DENND1A: variants seen among roughly 807,000 people sequenced by gnomAD.
The protein encoded by DENND1A is DENN domain containing 1A.
Under a neutral mutation model 113.7 loss-of-function variants are expected in DENND1A, and 51 were observed. The ratio of observed to expected loss-of-function variants is 0.45; its 90% CI spans 0.36 to 0.57. The LOEUF is 0.57. Among genes scored for constraint, DENND1A ranks in the 20% least tolerant of loss-of-function variants. DENND1A has a pLI of 0.00. For synonymous variants in DENND1A, 565 were observed against 570.8 expected, an observed-to-expected ratio of 0.99 and a Z score of 0.14; for missense variants, 1,258 against 1,395.9, an observed-to-expected ratio of 0.90 and a Z score of 1.57.
intron 19 of DENND1A, among the ~76,000 whole-genome samples, chr9:123,424,052 T>C (rs10986015): frequency 0.023 from 3,530 of 152,214 alleles, 68 homozygotes; most frequent in Non-Finnish European, 0.03. Context: ...AAGTTACGGG[T>C]ATCCTGGTGC....
At chr9:123,748,408 T>C (rs1372109740) in intron 5 of DENND1A, among the ~76,000 whole-genome samples, 1 of 152,226 alleles carries the variant, frequency 6.6e-6, no homozygotes, top group Non-Finnish European at 1.5e-5. Flanking sequence ...TTGCTAGAAT[T>C]GTAGAGTCTT....
At chr9:123,741,630 C>A (rs1258612695) in intron 5 of DENND1A, among the ~76,000 whole-genome samples, 3 of 152,208 alleles carry the variant, frequency 2.0e-5, no homozygotes, top group East Asian at 3.8e-4. Context: ...AATTGCTTAA[C>A]TTCCTCATTG....
At chr9:123,573,265 A>T (rs574757042) in intron 12 of DENND1A, among the ~76,000 whole-genome samples, 84 of 152,256 alleles carry the variant, frequency 5.5e-4, no homozygotes, top group Non-Finnish European at 9.7e-4. Context: ...GCTATTCTAG[A>T]TCTTTTGCAT....
At chr9:123,483,427 G>A (rs1025729440) in intron 13 of DENND1A, among the ~76,000 whole-genome samples, 8 of 152,306 alleles carry the variant, frequency 5.3e-5, no homozygotes, top group Admixed American at 2.0e-4. Context: ...AGGAACTCAG[G>A]AGACAAATCC....
chr9:123,511,681 T>C (rs2053472769), intron 13 of DENND1A, among the ~76,000 whole-genome samples: 1 of 152,228 alleles, frequency 6.6e-6, no homozygotes, highest in African/African-American at 2.4e-5. Context: ...AAAACGTGAC[T>C]GATGCTAGTA....
intron 13 of DENND1A, among the ~76,000 whole-genome samples, chr9:123,502,211 C>T (rs2052548468): frequency 1.3e-5 from 2 of 152,058 alleles, no homozygotes; most frequent in Admixed American, 1.3e-4. Context: ...TTAGTTCTGT[C>T]CCTCTAGAGA....
At chr9:123,419,252 T>C (rs1041180044) in intron 19 of DENND1A, among the ~76,000 whole-genome samples, 2 of 152,348 alleles carry the variant, frequency 1.3e-5, no homozygotes, top group Non-Finnish European at 2.9e-5. Flanking sequence ...AGCTGGCGCA[T>C]GACAGAGCTA....
intron 5 of DENND1A, among the ~76,000 whole-genome samples, chr9:123,700,403 T>C (rs888981970): frequency 5.9e-5 from 9 of 152,142 alleles, no homozygotes; most frequent in African/African-American, 2.2e-4. Context: ...TGCGTGTGTG[T>C]GTGTATAAAG....
chr9:123,514,122 C>T (rs916463578), intron 13 of DENND1A, among the ~76,000 whole-genome samples: 1 of 134,688 alleles, frequency 7.4e-6, no homozygotes, highest in East Asian at 2.2e-4. Context: ...GTGTGTGTGT[C>T]CATGACACCC....
At chr9:123,641,107 A>C (rs955222230) in intron 9 of DENND1A, among the ~76,000 whole-genome samples, 2 of 152,194 alleles carry the variant, frequency 1.3e-5, no homozygotes, top group African/African-American at 4.8e-5. Context: ...CACCAAAGTG[A>C]CCACACTTTC....
intron 13 of DENND1A, chr9:123,485,656 G>GCGTGCGCACACACA (rs765633751): frequency 7.1e-6 from 1 of 141,156 alleles, no homozygotes; most frequent in South Asian, 2.2e-4. Context: ...GCGCGCGCGC[G>GCGTGCGCACACACA]CACACACACA....
chr9:123,828,644 A>AAAG (rs1554774909), intron 2 of DENND1A, among the ~76,000 whole-genome samples: 3 of 151,824 alleles, frequency 2.0e-5, no homozygotes, highest in African/African-American at 7.2e-5. Context: ...GTAGCCAAAA[A>AAAG]AAAAAAAGAA....
chr9:123,678,269 C>T (rs898629734), intron 5 of DENND1A, among the ~76,000 whole-genome samples: 2 of 152,118 alleles, frequency 1.3e-5, no homozygotes, highest in African/African-American at 4.8e-5. Context: ...CAGTGCTCAG[C>T]GTTTACTGAG....
chr9:123,737,010 T>G (rs1369861273), intron 5 of DENND1A, among the ~76,000 whole-genome samples: 1 of 152,206 alleles, frequency 6.6e-6, no homozygotes, highest in Non-Finnish European at 1.5e-5. Flanking sequence ...TCAATATAAT[T>G]TATTCGGTAT....
chr9:123,419,819 C>T (rs996683132), intron 19 of DENND1A, among the ~76,000 whole-genome samples: 11 of 152,246 alleles, frequency 7.2e-5, no homozygotes, highest in South Asian at 2.1e-4. Context: ...TAGCCCCCAG[C>T]GCCCATCGCT....
rs114899650 is a variant in DENND1A at position 123,643,012 on chromosome 9, T to A, written c.618+9001A>T. 1.8e-3 allele frequency among the ~76,000 whole-genome samples: 270 copies of A among 152,024 alleles called. 2 individuals carry two copies. The highest frequency in any genetic ancestry group is 6.1e-3 in the African/African-American group (253 of 41,464). Reference sequence around the variant, plus strand: ...CTTAGGGCTCAAGACCAGATGGTACTCAGACAATGGATGCTGTCGGTGGGA... The same window carrying A: ...CTTAGGGCTCAAGACCAGATGGTACACAGACAATGGATGCTGTCGGTGGGA... On this transcript the variant is annotated intron_variant, in intron 9 of 23. Coordinates refer to ENST00000394215, the MANE Select transcript of DENND1A (RefSeq NM_001352964.2).
At chr9:123,388,244 T>C (rs1056899663) in intron 21 of DENND1A, among the ~76,000 whole-genome samples, 2 of 152,128 alleles carry the variant, frequency 1.3e-5, no homozygotes, top group South Asian at 2.1e-4. Context: ...TGAAACGTAA[T>C]GTTTATGAAG....
chr9:123,571,471 A>G (rs1470657386), intron 12 of DENND1A, among the ~76,000 whole-genome samples: 1 of 152,216 alleles, frequency 6.6e-6, no homozygotes, highest in Non-Finnish European at 1.5e-5. Context: ...TGCCTCCTCC[A>G]TCCCAGCCCA....
At chr9:123,598,247 G>A (rs774200355) in intron 11 of DENND1A, among the ~76,000 whole-genome samples, 4 of 152,070 alleles carry the variant, frequency 2.6e-5, no homozygotes, top group Admixed American at 1.3e-4. Context: ...AAATCACTCC[G>A]AGGCAGGGAA....
Sources: allele counts gnomAD v4.1 joint callset (sites outside exome capture counted in the v4.1 genomes callset), GRCh38; gene constraint gnomAD v4.1.1; transcripts MANE v1.5; gene names NCBI Gene and HGNC (gene_info 2026-07-23, HGNC 2026-07-21).